The following BMPER variants were observed in gnomAD, a reference collection of about 807,000 sequenced individuals.
BMPER encodes BMP binding endothelial regulator, also known as BMP-binding endothelial regulator protein.
A neutral mutation model predicts 87.3 loss-of-function variants in BMPER; 45 were observed. The observed-to-expected ratio is 0.52, with a 90% CI of 0.41 to 0.66. The LOEUF is 0.66. Ranked by LOEUF, BMPER falls within the 30% of genes least tolerant of loss-of-function variation. The pLI, the probability that BMPER is intolerant of heterozygous loss-of-function variation, is 0.00. For synonymous variants in BMPER, 326 were observed against 316.2 expected (o/e 1.03, Z -0.33); for missense variants, 784 against 867.5 (o/e 0.90, Z 1.21).
intron 13 of BMPER, among the ~76,000 whole-genome samples, chr7:34,119,313 C>CCAAA (rs1436754043): frequency 3.3e-5 from 5 of 152,278 alleles, no homozygotes; most frequent in African/African-American, 1.2e-4. Flanking sequence ...CATCTTTCAA[C>CCAAA]CAAACACCAA....
At chr7:34,024,384 AATATATATATATAT>A (rs200214350) in intron 6 of BMPER, among the ~76,000 whole-genome samples, 740 of 23,350 alleles carry the variant, frequency 0.032, 32 homozygotes, top group Middle Eastern at 0.05. Flanking sequence ...AAAAAAAAAC[AATATATATATATAT>A]ATATATATAT....
At chr7:34,057,112 G>T (rs2127962924) in intron 9 of BMPER, among the ~76,000 whole-genome samples, 1 of 152,252 alleles carries the variant, frequency 6.6e-6, no homozygotes, top group East Asian at 1.9e-4. Flanking sequence ...GCTTCAAAAA[G>T]TCAGGAAGGG....
At chr7:34,042,481 C>T (rs899961486) in intron 6 of BMPER, among the ~76,000 whole-genome samples, 1 of 152,136 alleles carries the variant, frequency 6.6e-6, no homozygotes, top group Non-Finnish European at 1.5e-5. Context: ...GGCATCCTAC[C>T]AGCTTTACAT....
intron 6 of BMPER, among the ~76,000 whole-genome samples, chr7:33,976,761 G>A (rs1785697472): frequency 6.6e-6 from 1 of 152,216 alleles, no homozygotes; most frequent in African/African-American, 2.4e-5. Flanking sequence ...AGCTGTACCA[G>A]TGACAGCCAG....
chr7:34,141,908 G>A (rs1335806527), intron 13 of BMPER, among the ~76,000 whole-genome samples: 3 of 152,128 alleles, frequency 2.0e-5, no homozygotes, highest in Non-Finnish European at 2.9e-5. Flanking sequence ...CAGACAGTGT[G>A]TCGATTTTAT....
chr7:34,081,422 C>G (rs1195919856), intron 12 of BMPER, among the ~76,000 whole-genome samples: 2 of 152,252 alleles, frequency 1.3e-5, no homozygotes, highest in Non-Finnish European at 2.9e-5. Context: ...AGGAATGACT[C>G]TTTGACCCTG....
Position 34,153,544 on chromosome 7 carries a change from A to C in BMPER, c.*271A>C, listed in dbSNP as rs1791239523. On this transcript the variant is annotated 3_prime_UTR_variant, in exon 15 of 15. Coordinates refer to ENST00000649409, the MANE Select transcript of BMPER (RefSeq NM_001365308.1). ...ATTGAACATGTTGTATAAATACACCAGGTGTTTTTAATTTAATAAGGTGGC... is the reference window on the plus strand; with the variant it reads ...ATTGAACATGTTGTATAAATACACCCGGTGTTTTTAATTTAATAAGGTGGC... 2.6e-6 allele frequency: 1 copy of C among 384,672 alleles called. No homozygotes were observed. Among genetic ancestry groups the C allele is most frequent in the African/African-American group, 2.0e-5 (1 of 49,214 alleles). 23.8% of individuals were successfully genotyped at this position (384,672 alleles called of 1,614,324 possible).
At chr7:34,035,980 C>G (rs1197124769) in intron 6 of BMPER, among the ~76,000 whole-genome samples, 1 of 152,156 alleles carries the variant, frequency 6.6e-6, no homozygotes, top group African/African-American at 2.4e-5. Context: ...CAAAGGCCTC[C>G]GTTCGGCTTT....
chr7:34,137,539 A>G (rs2127993150), intron 13 of BMPER, among the ~76,000 whole-genome samples: 1 of 152,364 alleles, frequency 6.6e-6, no homozygotes, highest in South Asian at 2.1e-4. Context: ...TCCCCCGGAA[A>G]GAAAAGAGAT....
chr7:33,916,248 C>G (rs1784084879), intron 2 of BMPER, among the ~76,000 whole-genome samples: 1 of 152,204 alleles, frequency 6.6e-6, no homozygotes, highest in Admixed American at 6.5e-5. Context: ...GGTTGCTCCT[C>G]TATTTTTTCT....
chr7:33,981,080 A>T (rs541425284), intron 6 of BMPER, among the ~76,000 whole-genome samples: 1 of 152,106 alleles, frequency 6.6e-6, no homozygotes, highest in Non-Finnish European at 1.5e-5. Context: ...ACTGTCCCTC[A>T]TCCTTGTCCT....
In BMPER at chr7:34,086,065, C is replaced by A; in HGVS notation, c.1718C>A (p.Ser573Ter). 6.2e-7 allele frequency: 1 copy of A among 1,613,818 alleles called. No individual in the cohort carries two copies. Among genetic ancestry groups the A allele is most frequent in the Non-Finnish European group, 8.5e-7 (1 of 1,180,004 alleles). ...LKSWEFQTCH[S>*]TVDYATFYRS... ...TCCTGGGAGTTTCAGACCTGCCACTCGACTGTGGACTACGCCACTTTCTAC... is the reference window on the plus strand; with the variant it reads ...TCCTGGGAGTTTCAGACCTGCCACTAGACTGTGGACTACGCCACTTTCTAC... Residue 573 changes from serine (S) to a stop codon, truncating the protein, a stop_gained, in exon 13 of 15, where the codon TCG (serine) becomes TAG (stop). Transcript: ENST00000649409. LOFTEE classifies it high-confidence loss of function.
intron 3 of BMPER, among the ~76,000 whole-genome samples, chr7:33,965,697 G>A (rs1383318969): frequency 2.0e-5 from 3 of 152,174 alleles, no homozygotes; most frequent in Non-Finnish European, 4.4e-5. Flanking sequence ...GTAACCCACA[G>A]TGTGGAGGGT....
At chr7:33,992,000 G>A (rs1419309448) in intron 6 of BMPER, among the ~76,000 whole-genome samples, 3 of 148,782 alleles carry the variant, frequency 2.0e-5, no homozygotes, top group East Asian at 4.0e-4. Context: ...TATAATTTCT[G>A]TTCTTTTACA....
At chr7:33,921,756 G>A (rs981333760) in intron 2 of BMPER, 9 of 470,866 alleles carry the variant, frequency 1.9e-5, no homozygotes, top group South Asian at 6.2e-5. Context: ...CTGACGTGAC[G>A]TTATGTTTGT....
intron 6 of BMPER, among the ~76,000 whole-genome samples, chr7:34,026,988 A>C (rs1320798615): frequency 2.0e-5 from 3 of 152,098 alleles, no homozygotes; most frequent in Admixed American, 6.5e-5. Flanking sequence ...GCAGTCTGCA[A>C]AGTGAGCTTG....
At chr7:34,136,279 G>GT (rs960567241) in intron 13 of BMPER, among the ~76,000 whole-genome samples, 1 of 152,130 alleles carries the variant, frequency 6.6e-6, no homozygotes, top group Non-Finnish European at 1.5e-5. Flanking sequence ...TGACAGTGGT[G>GT]TTTTTTGTAC....
chr7:34,027,636 C>A (rs1367987342), intron 6 of BMPER, among the ~76,000 whole-genome samples: 1 of 152,006 alleles, frequency 6.6e-6, no homozygotes, highest in Non-Finnish European at 1.5e-5. Flanking sequence ...CATGATTTGA[C>A]AGACAAATTA....
At chr7:34,052,774 G>C (rs554741091) in intron 8 of BMPER, among the ~76,000 whole-genome samples, 1 of 152,236 alleles carries the variant, frequency 6.6e-6, no homozygotes, top group Non-Finnish European at 1.5e-5. Flanking sequence ...TTAGAGCTCA[G>C]TAGTTCTTGA....
Sources: gnomAD v4.1 joint callset for allele counts (sites outside exome capture counted in the v4.1 genomes callset) on GRCh38, gnomAD v4.1.1 for gene constraint, MANE v1.5 for transcripts, NCBI Gene and HGNC (gene_info 2026-07-23, HGNC 2026-07-21) for gene names.